The following ABAT variants were observed in gnomAD, a reference collection of about 807,000 sequenced individuals.
ABAT encodes 4-aminobutyrate aminotransferase.
In ABAT, 45 loss-of-function variants were observed where a neutral mutation model predicts 64.6. That is an observed-to-expected ratio of 0.70 (90% confidence interval 0.55 to 0.89). The LOEUF is 0.89. ABAT is among the 40% of genes least tolerant of loss of function. The pLI, the probability that ABAT is intolerant of heterozygous loss-of-function variation, is 0.00. For missense variants in ABAT, 633 were observed against 658.4 expected, an observed-to-expected ratio of 0.96 and a Z score of 0.42; for synonymous variants, 297 against 250.5, an observed-to-expected ratio of 1.19 and a Z score of -1.75.
rs1174280997 is a variant in ABAT, at chr16:8,764,863, A to G, written c.540+33A>G. The G allele has an allele frequency of 6.4e-6, 10 of 1,563,734 alleles. No individual in the cohort carries two copies. Among genetic ancestry groups the G allele is most frequent in the Admixed American group, 1.7e-5 (1 of 59,900 alleles). The stretch of plus-strand genomic sequence containing the variant: ...TTGGGGCACACACACACACACACAC[A>G]CAGGCTCCCCAGCACCCAGCCACAC... On this transcript the variant is annotated intron_variant, in intron 8 of 15. Coordinates refer to ENST00000268251, the MANE Select transcript of ABAT (RefSeq NM_020686.6). This position sits in a 1 kb window ranked among gnomAD's most constrained non-coding sequence, Gnocchi z 4.2.
chr16:8,748,055 AT>A (rs1415426035), intron 3 of ABAT, 52 bp from the exon 4 acceptor site: 3 of 1,566,638 alleles, frequency 1.9e-6, no homozygotes, highest in African/African-American at 2.7e-5. Context: ...ATTTTAAGCT[AT>A]TTTGGCAAGA....
chr16:8,721,706 C>A (rs1053248218), intron 1 of ABAT, among the ~76,000 whole-genome samples: 1 of 152,210 alleles, frequency 6.6e-6, no homozygotes, highest in Non-Finnish European at 1.5e-5. Flanking sequence ...TTCTCCAGAG[C>A]AAATTGGAAG....
Position 8,743,146 on chromosome 16 carries a change from AGTGCTGTATTT to A in ABAT, c.71-2854_71-2844del, listed in dbSNP as rs1465086377. On this transcript the variant is annotated intron_variant, in intron 2 of 15. Transcript: ENST00000268251. ...TTTTTCTTCATCCTTATATAAGTAT[AGTGCTGTATTT>A]TAACGGTACTTTATGTTCAAAAGAC... Among the ~76,000 whole-genome samples the A allele has an allele frequency of 6.3e-4, 95 of 151,808 alleles. 5 individuals are homozygous for A. The highest frequency in any genetic ancestry group is 6.2e-3 in the Admixed American group (94 of 15,242).
At chr16:8,749,721 G>A (rs1018018732) in intron 4 of ABAT, among the ~76,000 whole-genome samples, 4 of 149,638 alleles carry the variant, frequency 2.7e-5, no homozygotes, top group African/African-American at 9.9e-5. Context: ...TAATGTTTTT[G>A]TTTTTTATTT....
chr16:8,778,533 G>C (rs1472263276), intron 14 of ABAT, among the ~76,000 whole-genome samples: 1 of 152,156 alleles, frequency 6.6e-6, no homozygotes, highest in African/African-American at 2.4e-5. Flanking sequence ...CCAGCACTTT[G>C]GGAGGCCAAG....
At chr16:8,747,266 G>A (rs139227868) in intron 3 of ABAT, among the ~76,000 whole-genome samples, 2 of 152,196 alleles carry the variant, frequency 1.3e-5, no homozygotes, top group African/African-American at 2.4e-5. Context: ...CCTTTCTAAT[G>A]CAAATTTATT....
chr16:8,713,899 C>T (rs1407172407), intron 1 of ABAT: 1 of 456,204 alleles, frequency 2.2e-6, no homozygotes, highest in South Asian at 1.5e-5. Flanking sequence ...TCTCTGTGTG[C>T]ATCCTTACAT....
In ABAT at chr16:8,772,252, CTGTGTGTGTGTGTGTGTG is replaced by C. The variant is rs55677241; in HGVS notation, c.817-493_817-476del. ...ACTCTGCTGTATTTTCTCTCTGTCT[CTGTGTGTGTGTGTGTGTG>C]TGTGTGTGTGTGTGTGTGTGTGTGT... On this transcript the variant is annotated intron_variant, in intron 11 of 15. Coordinates refer to ENST00000268251, the MANE Select transcript of ABAT (RefSeq NM_020686.6). Among the ~76,000 whole-genome samples the C allele has an allele frequency of 4.2e-3, 619 of 147,946 alleles. 15 individuals are homozygous for C. The East Asian group carries it at 0.056, about 13-fold the overall frequency.
intron 1 of ABAT, among the ~76,000 whole-genome samples, chr16:8,733,308 T>A: frequency 6.8e-6 from 1 of 147,064 alleles, no homozygotes; most frequent in Middle Eastern, 3.5e-3. Context: ...ACTTCCTAGG[T>A]GGGATGGCGG....
intron 6 of ABAT, among the ~76,000 whole-genome samples, chr16:8,758,335 TC>T (rs1254550075): frequency 6.6e-6 from 1 of 152,040 alleles, no homozygotes; most frequent in East Asian, 1.9e-4. Flanking sequence ...CAGGGAGGCT[TC>T]CCAGGGAAAT....
chr16:8,705,947 T>A (rs1163251708), intron 1 of ABAT, among the ~76,000 whole-genome samples: 1 of 152,156 alleles, frequency 6.6e-6, no homozygotes, highest in African/African-American at 2.4e-5. Flanking sequence ...AACAATTTGT[T>A]TTATAGTTCT....
chr16:8,741,241 C>T (rs2059154074), intron 2 of ABAT, among the ~76,000 whole-genome samples: 1 of 152,196 alleles, frequency 6.6e-6, no homozygotes, highest in Admixed American at 6.6e-5. Context: ...TTAATTCAAA[C>T]CGGTTTTTTG....
chr16:8,712,081 A>C (rs2058091242), intron 1 of ABAT, among the ~76,000 whole-genome samples: 1 of 151,922 alleles, frequency 6.6e-6, no homozygotes, highest in South Asian at 2.1e-4. Context: ...AAATACAAAA[A>C]TTAGCTGGGC....
intron 6 of ABAT, among the ~76,000 whole-genome samples, chr16:8,758,921 G>A (rs2059719395): frequency 6.6e-6 from 1 of 152,104 alleles, no homozygotes; most frequent in African/African-American, 2.4e-5. Flanking sequence ...GGCCAGCATG[G>A]TGAAACCCCG....
At position 8,723,066 on chromosome 16, in the gene ABAT, C is replaced by T. The variant is rs113036437; in HGVS notation, c.-41-12633C>T. On this transcript the variant is annotated intron_variant, in intron 1 of 15. Transcript: ENST00000268251. ...TAGCCAACATGGTGAAACCCTGTCT[C>T]TACAAAACATACAAAAATTAGCCAG... Among the ~76,000 whole-genome samples, 502 of 152,190 alleles carry T rather than the reference C, an allele frequency of 3.3e-3. 9 individuals carry two copies. The highest frequency in any genetic ancestry group is 0.028 in the South Asian group (134 of 4,822).
intron 2 of ABAT, among the ~76,000 whole-genome samples, chr16:8,741,094 T>C (rs957508159): frequency 8.5e-5 from 13 of 152,276 alleles, no homozygotes; most frequent in African/African-American, 3.1e-4. Flanking sequence ...GGCATGGCCA[T>C]TGAGGGCTGT....
At chr16:8,688,539 C>A (rs1482487193) in intron 1 of ABAT, among the ~76,000 whole-genome samples, 1 of 152,120 alleles carries the variant, frequency 6.6e-6, no homozygotes, top group Non-Finnish European at 1.5e-5. Context: ...GTAAAACACT[C>A]AAACACTGCA....
At chr16:8,722,939 T>G (rs2058416250) in intron 1 of ABAT, 1 of 1,141,336 alleles carries the variant, frequency 8.8e-7, no homozygotes, top group South Asian at 1.3e-5. Context: ...CGAACGGGCC[T>G]TAGAAACAAT....
intron 2 of ABAT, among the ~76,000 whole-genome samples, chr16:8,741,757 T>C (rs1389093797): frequency 1.3e-5 from 2 of 152,196 alleles, no homozygotes; most frequent in African/African-American, 4.8e-5. Flanking sequence ...AACATTGAGA[T>C]ATAGAAGGAA....
Sources: allele counts gnomAD v4.1 joint callset (sites outside exome capture counted in the v4.1 genomes callset), GRCh38; gene constraint gnomAD v4.1.1; non-coding constraint Gnocchi (gnomAD v3.1); transcripts MANE v1.5; gene names NCBI Gene and HGNC (gene_info 2026-07-23, HGNC 2026-07-21).